The following FGF14 variants were observed in gnomAD, a reference collection of about 807,000 sequenced individuals.
FGF14 encodes the protein fibroblast growth factor homologous factor 4.
A neutral mutation model predicts 25.5 loss-of-function variants in FGF14; 5 were observed. That is an observed-to-expected ratio of 0.20 (90% CI 0.10 to 0.41). The LOEUF (loss-of-function observed/expected upper bound fraction) is 0.41, where lower values mean the gene tolerates loss of function less well. Among genes scored for constraint, FGF14 ranks in the 10% least tolerant of loss-of-function variants. The pLI is 1.00. For missense variants in FGF14, 222 were observed against 320.1 expected, an observed-to-expected ratio of 0.69 and a Z score of 2.34; for synonymous variants, 138 against 118.3, an observed-to-expected ratio of 1.17 and a Z score of -1.08.
At chr13:102,401,765 T>C (rs1388296262) in exon 1 of FGF14, 5 of 1,157,608 alleles carry the variant, frequency 4.3e-6, no homozygotes, top group Non-Finnish European at 6.3e-6. Flanking sequence ...GATTGTTTGT[T>C]TTCGGCCAGG....
At chr13:102,056,374 A>G (rs897291959) in intron 1 of FGF14, among the ~76,000 whole-genome samples, 32 of 152,332 alleles carry the variant, frequency 2.1e-4, no homozygotes, top group Middle Eastern at 3.4e-3. Context: ...ATTTTGTCCA[A>G]TTGGTGCAAG....
At chr13:101,903,569 T>G (rs2031852950) in intron 1 of FGF14, among the ~76,000 whole-genome samples, 2 of 152,220 alleles carry the variant, frequency 1.3e-5, no homozygotes, top group Non-Finnish European at 2.9e-5. Context: ...TATATTCAAA[T>G]CTGTGAATAC....
At chr13:101,950,702 T>G (rs2036103539) in intron 1 of FGF14, among the ~76,000 whole-genome samples, 1 of 151,598 alleles carries the variant, frequency 6.6e-6, no homozygotes, top group Non-Finnish European at 1.5e-5. Flanking sequence ...TGCATTTGAA[T>G]GCCAAATTTA....
chr13:102,239,152 C>T (rs959567069), intron 1 of FGF14, among the ~76,000 whole-genome samples: 3 of 152,100 alleles, frequency 2.0e-5, no homozygotes, highest in Admixed American at 6.6e-5. Flanking sequence ...CTGTCAGACT[C>T]CAAAGCCCTG....
At chr13:101,987,872 G>A (rs2038678397) in intron 1 of FGF14, among the ~76,000 whole-genome samples, 1 of 152,044 alleles carries the variant, frequency 6.6e-6, no homozygotes, top group Non-Finnish European at 1.5e-5. Context: ...GAGATCCTAA[G>A]TGCAGAGGTG....
intron 1 of FGF14, among the ~76,000 whole-genome samples, chr13:102,108,913 C>T (rs967580033): frequency 5.3e-5 from 8 of 152,112 alleles, no homozygotes; most frequent in African/African-American, 1.2e-4. Context: ...ATCTTTTATA[C>T]GTATAATGTC....
intron 3 of FGF14, among the ~76,000 whole-genome samples, chr13:101,863,417 T>G (rs1216359298): frequency 6.6e-6 from 1 of 152,120 alleles, no homozygotes; most frequent in Non-Finnish European, 1.5e-5. Context: ...TCAGTTTATT[T>G]GATTAAGCAC....
intron 3 of FGF14, among the ~76,000 whole-genome samples, chr13:101,741,561 C>T (rs1172289969): frequency 6.6e-6 from 1 of 151,354 alleles, no homozygotes; most frequent in Non-Finnish European, 1.5e-5. Flanking sequence ...TTACTGATGT[C>T]AACGGCAAAT....
intron 3 of FGF14, among the ~76,000 whole-genome samples, chr13:101,862,074 G>A (rs1180827161): frequency 1.3e-5 from 2 of 152,106 alleles, no homozygotes; most frequent in African/African-American, 4.8e-5. Flanking sequence ...GGTAATTTTG[G>A]TATGGTAGGA....
chr13:102,081,226 T>G (rs1371397677), intron 1 of FGF14, among the ~76,000 whole-genome samples: 1 of 152,252 alleles, frequency 6.6e-6, no homozygotes, highest in Non-Finnish European at 1.5e-5. Flanking sequence ...AGCCAAAGCA[T>G]AATCCTTAAA....
chr13:102,096,092 G>A (rs9518629), intron 1 of FGF14, among the ~76,000 whole-genome samples: 58,192 of 150,826 alleles, frequency 0.39, 13,319 homozygotes, highest in Non-Finnish European at 0.51. Flanking sequence ...GGGATACATT[G>A]CCTTATATAT....
rs572476109 is a variant in FGF14, at chr13:102,175,004, T to C, written c.208+226467A>G. On this transcript the variant is annotated intron_variant, in intron 1 of 4. Transcript: ENST00000376131. The stretch of plus-strand genomic sequence containing the variant: ...CAAGCTCATAGACAGGAAGAATCAA[T>C]ATTGTTAAAATGTCCATACTGCCCA... Among the ~76,000 whole-genome samples the C allele has an allele frequency of 2.3e-4, 35 of 152,232 alleles. 1 individual carries two copies. In the South Asian group the frequency reaches 5.4e-3, roughly 23 times the overall value.
At chr13:101,746,181 C>A (rs150826452) in intron 3 of FGF14, among the ~76,000 whole-genome samples, 41 of 152,064 alleles carry the variant, frequency 2.7e-4, no homozygotes, top group African/African-American at 7.9e-4. Flanking sequence ...TTATTTGGAA[C>A]CTTAATGAGT....
intron 3 of FGF14, among the ~76,000 whole-genome samples, chr13:101,861,823 TTTCAGTATCCTCA>T (rs1407549474): frequency 2.0e-5 from 3 of 152,124 alleles, no homozygotes; most frequent in African/African-American, 7.2e-5. Flanking sequence ...TAATTCAAGT[TTTCAGTATCCTCA>T]TTCGGATAAC....
intron 1 of FGF14, among the ~76,000 whole-genome samples, chr13:102,077,588 A>G (rs867694409): frequency 6.6e-6 from 1 of 152,316 alleles, no homozygotes; most frequent in South Asian, 2.1e-4. Context: ...TCACAATGAG[A>G]TATCACCACA....
At chr13:102,353,530 C>T (rs1176557802) in intron 1 of FGF14, among the ~76,000 whole-genome samples, 2 of 152,206 alleles carry the variant, frequency 1.3e-5, no homozygotes, top group Admixed American at 6.5e-5. Flanking sequence ...GAAGTTCCTC[C>T]TCAGGTGCCT....
At chr13:102,124,964 C>T (rs2045891848) in intron 1 of FGF14, among the ~76,000 whole-genome samples, 1 of 151,856 alleles carries the variant, frequency 6.6e-6, no homozygotes, top group Admixed American at 6.6e-5. Context: ...CAGAACATAC[C>T]TCAATTTCTC....
intron 1 of FGF14, among the ~76,000 whole-genome samples, chr13:101,929,590 C>A (rs1323637270): frequency 6.6e-6 from 1 of 152,178 alleles, no homozygotes; most frequent in Admixed American, 6.5e-5. Flanking sequence ...CACTCAATTA[C>A]CTGGGCGTTG....
chr13:101,804,164 T>A (rs2041064577), intron 3 of FGF14, among the ~76,000 whole-genome samples: 1 of 152,136 alleles, frequency 6.6e-6, no homozygotes, highest in South Asian at 2.1e-4. Flanking sequence ...TTAGATGCGA[T>A]GAGCATTTAA....
Sources: gnomAD v4.1 joint callset for allele counts (sites outside exome capture counted in the v4.1 genomes callset) on GRCh38, gnomAD v4.1.1 for gene constraint, MANE v1.5 for transcripts, NCBI Gene and HGNC (gene_info 2026-07-23, HGNC 2026-07-21) for gene names.